DENND1A: variants seen among roughly 807,000 people sequenced by gnomAD.
The protein encoded by DENND1A is DENN domain-containing protein 1A.
In DENND1A, 51 loss-of-function variants were observed where a neutral mutation model predicts 113.7. The ratio of observed to expected loss-of-function variants is 0.45; its 90% CI spans 0.36 to 0.57. The LOEUF (loss-of-function observed/expected upper bound fraction) is 0.57, where lower values mean the gene tolerates loss of function less well. Among genes scored for constraint, DENND1A ranks in the 20% least tolerant of loss-of-function variants. The pLI, the probability that DENND1A is intolerant of heterozygous loss-of-function variation, is 0.00. For missense variants in DENND1A, 1,258 were observed against 1,395.9 expected, an observed-to-expected ratio of 0.90 and a Z score of 1.57; for synonymous variants, 565 against 570.8, an observed-to-expected ratio of 0.99 and a Z score of 0.14.
intron 13 of DENND1A, among the ~76,000 whole-genome samples, chr9:123,489,883 C>T (rs963691911): frequency 1.5e-4 from 23 of 152,174 alleles, no homozygotes; most frequent in Admixed American, 3.9e-4. Context: ...GTGCTTTGTA[C>T]GCTCCCTGCA....
intron 4 of DENND1A, among the ~76,000 whole-genome samples, chr9:123,767,846 A>G (rs1349463589): frequency 6.6e-6 from 1 of 152,224 alleles, no homozygotes; most frequent in African/African-American, 2.4e-5. Flanking sequence ...CACTCTAACA[A>G]GAAGTCATGT....
At chr9:123,769,623 C>T (rs549858628) in intron 3 of DENND1A, 60 bp from the exon 4 acceptor site, 2 of 1,439,780 alleles carry the variant, frequency 1.4e-6, no homozygotes, top group East Asian at 4.7e-5. Context: ...CTAACATTAA[C>T]CACAGCACAC....
At chr9:123,705,000 C>T (rs912376569) in intron 5 of DENND1A, among the ~76,000 whole-genome samples, 2 of 151,472 alleles carry the variant, frequency 1.3e-5, no homozygotes, top group Non-Finnish European at 2.9e-5. Context: ...GAAAAAGAAG[C>T]ATCAAAAGTC....
intron 19 of DENND1A, 30 bp from the exon 20 acceptor site, chr9:123,411,859 G>A: frequency 1.0e-6 from 1 of 985,588 alleles, no homozygotes; most frequent in Non-Finnish European, 1.2e-6. Context: ...TACAACATCA[G>A]GACACACTGA....
chr9:123,858,206 T>C (rs1844545920), intron 2 of DENND1A, among the ~76,000 whole-genome samples: 1 of 152,256 alleles, frequency 6.6e-6, no homozygotes, highest in African/African-American at 2.4e-5. Context: ...GGTATCAATG[T>C]TAATTTCCTC....
chr9:123,846,084 C>T (rs2133062615), intron 2 of DENND1A, among the ~76,000 whole-genome samples: 1 of 152,200 alleles, frequency 6.6e-6, no homozygotes, highest in African/African-American at 2.4e-5. Context: ...AAGAAGCACA[C>T]TAAAAGATGC....
chr9:123,920,153 G>A (rs537278568), intron 1 of DENND1A, among the ~76,000 whole-genome samples: 19 of 152,028 alleles, frequency 1.2e-4, no homozygotes, highest in African/African-American at 3.1e-4. Flanking sequence ...CTTTAAGGCC[G>A]GGCATGGTGG....
chr9:123,609,348 G>T, intron 11 of DENND1A, 88 bp downstream of exon 11: 1 of 1,458,202 alleles, frequency 6.9e-7, no homozygotes, highest in Non-Finnish European at 9.5e-7. Context: ...GTGCAGAGCT[G>T]TGACTGCTGA....
intron 11 of DENND1A, among the ~76,000 whole-genome samples, chr9:123,585,348 G>C (rs78210084): frequency 0.066 from 10,052 of 152,250 alleles, 402 homozygotes; most frequent in Non-Finnish European, 0.089. Context: ...TTATTTATAG[G>C]GTAAAAAGAT....
chr9:123,868,353 TTTGATAACAG>T (rs1419530471), intron 2 of DENND1A, among the ~76,000 whole-genome samples: 6 of 152,244 alleles, frequency 3.9e-5, no homozygotes, highest in African/African-American at 1.4e-4. Context: ...GTTATGTCAA[TTTGATAACAG>T]TTGCTGAGTA....
At chr9:123,742,008 G>A (rs1015340261) in intron 5 of DENND1A, among the ~76,000 whole-genome samples, 5 of 152,190 alleles carry the variant, frequency 3.3e-5, no homozygotes, top group East Asian at 1.9e-4. Flanking sequence ...AGGCCAGAGC[G>A]TTGCTCTCAG....
chr9:123,689,230 G>A (rs138143317), intron 5 of DENND1A, among the ~76,000 whole-genome samples: 15 of 152,176 alleles, frequency 9.9e-5, no homozygotes, highest in Non-Finnish European at 1.9e-4. Flanking sequence ...TCATCATATT[G>A]GCCAGGCTGG....
intron 13 of DENND1A, among the ~76,000 whole-genome samples, chr9:123,465,146 A>G (rs1588663571): frequency 6.6e-6 from 1 of 151,236 alleles, no homozygotes; most frequent in Non-Finnish European, 1.5e-5. Flanking sequence ...GTGGCACTGC[A>G]CTCCAGCCTG....
chr9:123,603,568 C>T (rs1157607293), intron 11 of DENND1A, among the ~76,000 whole-genome samples: 2 of 152,194 alleles, frequency 1.3e-5, no homozygotes, highest in Admixed American at 6.5e-5. Context: ...CCAGGAGCTC[C>T]CCATGCACCC....
chr9:123,487,275 G>C (rs1376968029), intron 13 of DENND1A, among the ~76,000 whole-genome samples: 1 of 152,178 alleles, frequency 6.6e-6, no homozygotes, highest in East Asian at 1.9e-4. Flanking sequence ...GTTCGTTTAA[G>C]TTGGGCTTCT....
intron 10 of DENND1A, among the ~76,000 whole-genome samples, chr9:123,628,738 C>T (rs1333183675): frequency 6.6e-6 from 1 of 152,084 alleles, no homozygotes; most frequent in African/African-American, 2.4e-5. Flanking sequence ...CCAAAATAAA[C>T]CAAAGTATGA....
chr9:123,639,031 A>T (rs972419068), intron 9 of DENND1A, among the ~76,000 whole-genome samples: 1 of 128,250 alleles, frequency 7.8e-6, no homozygotes, highest in Non-Finnish European at 1.6e-5. Flanking sequence ...CTAAATTTGC[A>T]TGAGTAGTAA....
chr9:123,448,435 G>A (rs1225458258), intron 18 of DENND1A, among the ~76,000 whole-genome samples: 2 of 152,190 alleles, frequency 1.3e-5, no homozygotes, highest in Admixed American at 1.3e-4. Context: ...CAATGAGGGC[G>A]CATGGGGCCT....
At chr9:123,743,387 TAA>T (rs1247871247) in intron 5 of DENND1A, among the ~76,000 whole-genome samples, 1 of 146,710 alleles carries the variant, frequency 6.8e-6, no homozygotes, top group Non-Finnish European at 1.5e-5. Context: ...AGCGATGGAG[TAA>T]GACTCAGTCC....
Sources: gnomAD v4.1 joint callset for allele counts (sites outside exome capture counted in the v4.1 genomes callset) on GRCh38, gnomAD v4.1.1 for gene constraint, MANE v1.5 for transcripts, NCBI Gene and HGNC (gene_info 2026-07-23, HGNC 2026-07-21) for gene names.